The following CLIP2 variants were observed in gnomAD, a reference collection of about 807,000 sequenced individuals.
CLIP2 encodes CAP-Gly domain containing linker protein 2.
In CLIP2, 41 loss-of-function variants were observed where a neutral mutation model predicts 111.7. The observed-to-expected ratio is 0.37, with a 90% CI of 0.29 to 0.48. CLIP2 has a LOEUF of 0.48. Ranked by LOEUF, CLIP2 falls within the 20% of genes least tolerant of loss-of-function variation. The pLI, the probability that CLIP2 is intolerant of heterozygous loss-of-function variation, is 0.99. For missense variants in CLIP2, 1,160 were observed against 1,422.1 expected, an observed-to-expected ratio of 0.82 and a Z score of 2.96; for synonymous variants, 660 against 644.2, an observed-to-expected ratio of 1.02 and a Z score of -0.37.
At position 74,337,507 on chromosome 7, in the gene CLIP2, T is replaced by TG. The variant is rs569308772; in HGVS notation, c.122-934dup. ...CAGCTGAGGGCCTGAGCCCACCTGG[T>TG]GGGGGGGTGGCTTGTAATCCTTGAG... is the stretch of plus-strand genomic sequence containing the variant. On this transcript the variant is annotated intron_variant, in intron 2 of 16. Coordinates refer to ENST00000223398, the MANE Select transcript of CLIP2 (RefSeq NM_003388.5). Among the ~76,000 whole-genome samples the TG allele has an allele frequency of 1.5e-3, 231 of 151,220 alleles. 1 individual carries two copies. The highest frequency in any genetic ancestry group is 2.7e-3 in the African/African-American group (112 of 41,282).
chr7:74,298,618 C>T (rs1450560274), intron 1 of CLIP2, among the ~76,000 whole-genome samples: 4 of 152,080 alleles, frequency 2.6e-5, no homozygotes, highest in Admixed American at 1.3e-4. Flanking sequence ...CTGCGGCCTC[C>T]GCCTCCTGGG....
chr7:74,317,057 C>T (rs1190055322), intron 1 of CLIP2, among the ~76,000 whole-genome samples: 2 of 152,146 alleles, frequency 1.3e-5, no homozygotes, highest in African/African-American at 4.8e-5. Context: ...GTCTTTGTTG[C>T]AAACAGTTTG....
intron 14 of CLIP2, among the ~76,000 whole-genome samples, chr7:74,399,543 G>GT (rs1491509598): frequency 1.4e-4 from 3 of 21,058 alleles, no homozygotes; most frequent in Non-Finnish European, 2.6e-4. Flanking sequence ...GTCTTTTTTT[G>GT]GGGGGGGGGG....
intron 2 of CLIP2, among the ~76,000 whole-genome samples, chr7:74,335,270 CAAAAA>C (rs36136697): frequency 1.0e-5 from 1 of 99,888 alleles, no homozygotes; most frequent in Non-Finnish European, 1.8e-5. Flanking sequence ...GACTCCATCT[CAAAAA>C]AAAAAAAAAA....
intron 11 of CLIP2, among the ~76,000 whole-genome samples, chr7:74,381,923 C>A (rs1584379666): frequency 6.6e-6 from 1 of 152,180 alleles, no homozygotes; most frequent in East Asian, 1.9e-4. Flanking sequence ...TGGGCTCAAC[C>A]AATTTTAATT....
intron 1 of CLIP2, among the ~76,000 whole-genome samples, chr7:74,303,445 G>T (rs1461421580): frequency 2.6e-5 from 4 of 152,020 alleles, no homozygotes; most frequent in South Asian, 2.1e-4. Flanking sequence ...GGCTTGGGGA[G>T]CCCCCTTCAT....
intron 13 of CLIP2, chr7:74,389,571 A>AGT (rs1296842249): frequency 5.5e-6 from 1 of 180,256 alleles, no homozygotes; most frequent in Non-Finnish European, 1.1e-5. Context: ...TGGGCAACAT[A>AGT]GTGAGACCCC....
intron 7 of CLIP2, among the ~76,000 whole-genome samples, chr7:74,362,528 CTTTT>C (rs3044338): frequency 8.2e-6 from 1 of 121,976 alleles, no homozygotes; most frequent in Non-Finnish European, 1.6e-5. Flanking sequence ...TTTTTCTTTT[CTTTT>C]TTTTTTTTTT....
intron 8 of CLIP2, chr7:74,364,770 C>T (rs1291546940): frequency 2.3e-6 from 1 of 443,828 alleles, no homozygotes; most frequent in Admixed American, 2.4e-5. Context: ...CACCTATAAT[C>T]CCAGCACTTC....
At chr7:74,365,308 A>G (rs1056441674) in intron 8 of CLIP2, among the ~76,000 whole-genome samples, 16 of 152,184 alleles carry the variant, frequency 1.1e-4, no homozygotes, top group East Asian at 3.9e-4. Context: ...GGGCTGTAGG[A>G]AAGGTCACAG....
chr7:74,403,884 C>G lies in CLIP2; in HGVS notation c.*36C>G. 1 of 1,611,944 alleles carries G rather than the reference C, an allele frequency of 6.2e-7. No homozygotes were observed. The highest frequency in any genetic ancestry group is 8.5e-7 in the Non-Finnish European group (1 of 1,179,462). On this transcript the variant is annotated 3_prime_UTR_variant, in exon 17 of 17. Coordinates refer to ENST00000223398, the MANE Select transcript of CLIP2 (RefSeq NM_003388.5). ...ATACTGTGGAGCAGCCCAGTCCACA[C>G]CAGAGCCCCACGCGGCTGCCCGGCA...
intron 16 of CLIP2, 89 bp from the exon 17 acceptor site, chr7:74,403,748 C>T: frequency 2.1e-6 from 3 of 1,410,422 alleles, no homozygotes; most frequent in East Asian, 2.3e-5. Flanking sequence ...CACCCGGCCC[C>T]AACTCCTTTC....
intron 8 of CLIP2, among the ~76,000 whole-genome samples, chr7:74,367,184 GTT>G (rs1554310987): frequency 1.3e-5 from 2 of 151,574 alleles, no homozygotes; most frequent in Non-Finnish European, 2.9e-5. Flanking sequence ...TCTTTATTTT[GTT>G]TAAAAAAAAT....
At chr7:74,362,087 G>A (rs1330921827) in intron 7 of CLIP2, among the ~76,000 whole-genome samples, 1 of 150,656 alleles carries the variant, frequency 6.6e-6, no homozygotes, top group Non-Finnish European at 1.5e-5. Context: ...GTAACAGAGC[G>A]AGGCTCCGCC....
At chr7:74,335,562 A>C (rs1163285244) in intron 2 of CLIP2, among the ~76,000 whole-genome samples, 2 of 147,990 alleles carry the variant, frequency 1.4e-5, no homozygotes, top group African/African-American at 5.0e-5. Context: ...CTGTTCTTGA[A>C]CTCCTGGGCT....
intron 11 of CLIP2, among the ~76,000 whole-genome samples, chr7:74,382,971 T>C (rs1298917036): frequency 2.0e-5 from 3 of 151,382 alleles, no homozygotes; most frequent in Non-Finnish European, 4.4e-5. Context: ...TCCCAGATAC[T>C]TGGGAAGGTG....
At chr7:74,296,970 T>C (rs1788186741) in intron 1 of CLIP2, among the ~76,000 whole-genome samples, 1 of 152,194 alleles carries the variant, frequency 6.6e-6, no homozygotes, top group Non-Finnish European at 1.5e-5. Context: ...ATTTGTTCCC[T>C]TGCAGACACC....
At chr7:74,390,162 GAAGAAAGAAAGAAAGA>G (rs200256078) in intron 13 of CLIP2, among the ~76,000 whole-genome samples, 910 of 84,974 alleles carry the variant, frequency 0.011, 13 homozygotes, top group East Asian at 0.039. Context: ...AAGAAAGAAA[GAAGAAAGAAAGAAAGA>G]AAGAAAGAAA....
At chr7:74,301,549 AT>A (rs56384152) in intron 1 of CLIP2, among the ~76,000 whole-genome samples, 73 of 144,410 alleles carry the variant, frequency 5.1e-4, no homozygotes, top group African/African-American at 9.0e-4. Context: ...TGCCCGGCTA[AT>A]TTTTTTTTTT....
Sources: gnomAD v4.1 joint callset for allele counts (sites outside exome capture counted in the v4.1 genomes callset) on GRCh38, gnomAD v4.1.1 for gene constraint, MANE v1.5 for transcripts, NCBI Gene and HGNC (gene_info 2026-07-23, HGNC 2026-07-21) for gene names.